ARHGEF4: variants seen among roughly 807,000 people sequenced by gnomAD.
ARHGEF4 encodes Rho guanine nucleotide exchange factor 4.
ARHGEF4 carries 119 observed loss-of-function variants against 162.0 expected under a neutral mutation model. The observed-to-expected ratio is 0.73, with a 90% CI of 0.63 to 0.86. The LOEUF (loss-of-function observed/expected upper bound fraction) is 0.86, where lower values mean the gene tolerates loss of function less well. Among genes scored for constraint, ARHGEF4 ranks in the 40% least tolerant of loss-of-function variants. The pLI, the probability that ARHGEF4 is intolerant of heterozygous loss-of-function variation, is 0.00. For missense variants in ARHGEF4, 2,488 were observed against 2,456.0 expected (o/e 1.01, Z -0.28); for synonymous variants, 1,014 against 979.9 (o/e 1.03, Z -0.65).
chr2:130,869,124 A>G (rs982571587), intron 1 of ARHGEF4, among the ~76,000 whole-genome samples: 1 of 152,228 alleles, frequency 6.6e-6, no homozygotes. Context: ...CCAAGAGGGC[A>G]TTTCACAGAT....
At chr2:130,892,318 G>A (rs989724851) in intron 1 of ARHGEF4, among the ~76,000 whole-genome samples, 6 of 152,086 alleles carry the variant, frequency 3.9e-5, no homozygotes, top group Admixed American at 1.3e-4. Context: ...AGTAGACGTC[G>A]ACTGGGTGTC....
chr2:130,902,958 G>A (rs114118861), intron 1 of ARHGEF4, among the ~76,000 whole-genome samples: 2,670 of 152,176 alleles, frequency 0.018, 89 homozygotes, highest in African/African-American at 0.06. Context: ...TATCTCTGGT[G>A]CCCAGATTGT....
chr2:130,855,451 C>T (rs1681712866), intron 1 of ARHGEF4, among the ~76,000 whole-genome samples: 1 of 152,168 alleles, frequency 6.6e-6, no homozygotes. Context: ...AGGTGGAGTC[C>T]AGGAGAGACC....
Position 130,915,849 on chromosome 2 carries a change from G to C in ARHGEF4, c.1903G>C (p.Ala635Pro), listed in dbSNP as rs1462798674. 6.5e-7 allele frequency: 1 copy of C among 1,541,174 alleles called. No homozygotes were observed. Among genetic ancestry groups the C allele is most frequent in the Non-Finnish European group, 8.8e-7 (1 of 1,142,322 alleles). ...GGGCAGGGGCGCCCTCATCATTGTA[G>C]CTGTGGAGCAGAAAGGTCTTCAGGC... is the stretch of plus-strand genomic sequence containing the variant. ...SRGRGALIIV[A>P]VEQKGLQASR... Residue 635 changes from alanine to proline, a missense_variant, in exon 2 of 14, where the codon GCT becomes CCT. Transcript: ENST00000409359.
At chr2:131,011,808 C>A in intron 4 of ARHGEF4, 1 of 778,876 alleles carries the variant, frequency 1.3e-6, no homozygotes, top group Non-Finnish European at 2.2e-6. Flanking sequence ...TACCAAGGAC[C>A]GCTCAGGGTA....
chr2:131,038,609 C>T (rs1388884241), intron 5 of ARHGEF4, among the ~76,000 whole-genome samples: 3 of 152,228 alleles, frequency 2.0e-5, no homozygotes, highest in Admixed American at 1.3e-4. Flanking sequence ...GTCCCAGTGA[C>T]AGGATCAGAT....
intron 1 of ARHGEF4, among the ~76,000 whole-genome samples, chr2:130,911,281 C>G (rs1681167314): frequency 6.6e-6 from 1 of 152,294 alleles, no homozygotes; most frequent in African/African-American, 2.4e-5. Context: ...AAAGCCTCAT[C>G]TAGTTATAGA....
At chr2:131,009,283 A>G (rs541017992) in intron 4 of ARHGEF4, among the ~76,000 whole-genome samples, 1 of 152,208 alleles carries the variant, frequency 6.6e-6, no homozygotes, top group African/African-American at 2.4e-5. Context: ...TCTTTCAGCA[A>G]TTCAAAGATG....
At chr2:130,990,630 T>C (rs1475565216) in intron 4 of ARHGEF4, among the ~76,000 whole-genome samples, 2 of 150,786 alleles carry the variant, frequency 1.3e-5, no homozygotes, top group Non-Finnish European at 3.0e-5. Flanking sequence ...AAGAGGAGAG[T>C]TGAGGATCCC....
At chr2:131,039,667 G>A in intron 6 of ARHGEF4, 1 of 1,192,824 alleles carries the variant, frequency 8.4e-7, no homozygotes, top group African/African-American at 1.6e-5. Flanking sequence ...GCCAGCGGGC[G>A]CGCCACCCAT....
At chr2:130,936,888 T>TTTC (rs1485570356) in intron 3 of ARHGEF4, among the ~76,000 whole-genome samples, 1 of 33,644 alleles carries the variant, frequency 3.0e-5, no homozygotes, top group East Asian at 6.5e-3. Context: ...TCTTTCTTTC[T>TTTC]TTTTTTTTTC....
intron 4 of ARHGEF4, chr2:130,963,883 A>C: frequency 1.4e-3 from 1 of 696 alleles, no homozygotes. Flanking sequence ...AGCCTCCTTA[A>C]CGGAGCCCCA....
At chr2:130,843,661 C>T (rs1680754948) in intron 1 of ARHGEF4, among the ~76,000 whole-genome samples, 2 of 152,242 alleles carry the variant, frequency 1.3e-5, no homozygotes, top group South Asian at 2.1e-4. Flanking sequence ...CCTGACCTCA[C>T]CAGATGGTCT....
intron 4 of ARHGEF4, among the ~76,000 whole-genome samples, chr2:130,974,778 A>C (rs1268293397): frequency 6.6e-6 from 1 of 152,122 alleles, no homozygotes; most frequent in African/African-American, 2.4e-5. Flanking sequence ...TTGAGTAAGA[A>C]ATTTTTGTTT....
intron 4 of ARHGEF4, chr2:131,011,728 G>A: frequency 7.6e-7 from 1 of 1,309,116 alleles, no homozygotes; most frequent in Non-Finnish European, 1.1e-6. Context: ...TTTGGATGCT[G>A]TGGTAAGGAG....
chr2:131,039,650 C>G (rs1690606238), intron 6 of ARHGEF4: 22 of 1,159,212 alleles, frequency 1.9e-5, no homozygotes, highest in Non-Finnish European at 2.3e-5. Flanking sequence ...CCCCAAGTTG[C>G]ATGTTAGCCA....
intron 2 of ARHGEF4, among the ~76,000 whole-genome samples, chr2:130,921,234 G>C (rs924679984): frequency 6.6e-6 from 1 of 152,184 alleles, no homozygotes; most frequent in Admixed American, 6.5e-5. Flanking sequence ...GGGTGCGGTG[G>C]CTCACGCCTG....
At chr2:130,949,516 G>C (rs1217052169) in intron 4 of ARHGEF4, among the ~76,000 whole-genome samples, 1 of 151,788 alleles carries the variant, frequency 6.6e-6, no homozygotes, top group East Asian at 1.9e-4. Flanking sequence ...ACCACGCCTG[G>C]CTAATTTTTT....
At chr2:131,018,772 G>A (rs1688916974) in intron 4 of ARHGEF4, among the ~76,000 whole-genome samples, 1 of 152,142 alleles carries the variant, frequency 6.6e-6, no homozygotes, top group East Asian at 1.9e-4. Flanking sequence ...ATTTTTATGT[G>A]TGTTAGGTAA....
Sources: allele counts gnomAD v4.1 joint callset (sites outside exome capture counted in the v4.1 genomes callset), GRCh38; gene constraint gnomAD v4.1.1; transcripts MANE v1.5; gene names NCBI Gene and HGNC (gene_info 2026-07-23, HGNC 2026-07-21).